CACNA2D3: variants seen among roughly 807,000 people sequenced by gnomAD.
The protein encoded by CACNA2D3 is calcium voltage-gated channel auxiliary subunit alpha2delta 3.
Under a neutral mutation model 160.6 loss-of-function variants are expected in CACNA2D3, and 60 were observed. That is an observed-to-expected ratio of 0.37 (90% CI 0.30 to 0.46). The LOEUF (loss-of-function observed/expected upper bound fraction) is 0.46. Among genes scored for constraint, CACNA2D3 ranks in the 20% least tolerant of loss-of-function variants. The pLI, the probability that CACNA2D3 is intolerant of heterozygous loss-of-function variation, is 1.00. For missense variants in CACNA2D3, 1,205 were observed against 1,365.0 expected (o/e 0.88, Z 1.85); for synonymous variants, 558 against 492.9 (o/e 1.13, Z -1.75).
intron 2 of CACNA2D3, among the ~76,000 whole-genome samples, chr3:54,180,708 A>G (rs1252173569): frequency 3.9e-5 from 6 of 152,142 alleles, no homozygotes; most frequent in African/African-American, 1.4e-4. Context: ...TGAGTCTTCT[A>G]AGCACCATAC....
At chr3:54,463,271 G>A (rs1486188865) in intron 4 of CACNA2D3, among the ~76,000 whole-genome samples, 5 of 151,954 alleles carry the variant, frequency 3.3e-5, no homozygotes, top group African/African-American at 1.2e-4. Flanking sequence ...TGCTCTTCTC[G>A]AGGAGTATCT....
At chr3:54,318,961 C>T (rs1470351341) in intron 2 of CACNA2D3, among the ~76,000 whole-genome samples, 1 of 152,066 alleles carries the variant, frequency 6.6e-6, no homozygotes, top group Non-Finnish European at 1.5e-5. Flanking sequence ...TGGCCAGATG[C>T]CTCCAGCCTC....
intron 11 of CACNA2D3, among the ~76,000 whole-genome samples, chr3:54,705,894 T>C (rs1374916132): frequency 1.5e-5 from 1 of 65,824 alleles, no homozygotes; most frequent in Admixed American, 2.0e-4. Context: ...TGATACTGAC[T>C]CTCATGCCTC....
At chr3:54,423,819 G>A (rs1361229734) in intron 4 of CACNA2D3, among the ~76,000 whole-genome samples, 2 of 152,094 alleles carry the variant, frequency 1.3e-5, no homozygotes, top group Non-Finnish European at 2.9e-5. Flanking sequence ...TGACATGCCC[G>A]GGAGCACAGG....
chr3:54,705,348 T>A (rs945944865), intron 11 of CACNA2D3, among the ~76,000 whole-genome samples: 1 of 152,198 alleles, frequency 6.6e-6, no homozygotes, highest in Non-Finnish European at 1.5e-5. Flanking sequence ...TGAACTAGAA[T>A]TATAAGGTAA....
rs886205254 is a variant in CACNA2D3 at position 54,181,039 on chromosome 3, C to T, written c.204+57445C>T. Among the ~76,000 whole-genome samples, 4 of 152,158 alleles carry T rather than the reference C, an allele frequency of 2.6e-5. No homozygotes were observed. In the South Asian group the frequency reaches 8.3e-4, roughly 32 times the overall value. On this transcript the variant is annotated intron_variant, in intron 2 of 37. Transcript: ENST00000474759. ...GGTTCCTGCCCCCCACCATATATAA[C>T]AGGAGGCTTCCCTCTTCTCTGTGAC...
intron 26 of CACNA2D3, among the ~76,000 whole-genome samples, chr3:54,899,301 A>G (rs77378286): frequency 0.099 from 15,088 of 152,264 alleles, 840 homozygotes; most frequent in Non-Finnish European, 0.12. Context: ...AATTTTGCCC[A>G]GAAAAACTGG....
chr3:54,826,625 T>G (rs1703755470), intron 14 of CACNA2D3, among the ~76,000 whole-genome samples: 1 of 152,186 alleles, frequency 6.6e-6, no homozygotes, highest in Non-Finnish European at 1.5e-5. Flanking sequence ...TGGGTACTTC[T>G]GAAGCATCTG....
At chr3:54,150,735 T>A (rs1472691666) in intron 2 of CACNA2D3, among the ~76,000 whole-genome samples, 1 of 152,160 alleles carries the variant, frequency 6.6e-6, no homozygotes, top group Non-Finnish European at 1.5e-5. Context: ...ATAAACAAAA[T>A]GATAATTATA....
intron 11 of CACNA2D3, among the ~76,000 whole-genome samples, chr3:54,734,228 T>C (rs1701451322): frequency 6.6e-6 from 1 of 152,206 alleles, no homozygotes; most frequent in South Asian, 2.1e-4. Context: ...AACTGTTGCA[T>C]GCTGAGGACA....
At chr3:54,909,294 T>C (rs1700509494) in intron 27 of CACNA2D3, among the ~76,000 whole-genome samples, 2 of 152,198 alleles carry the variant, frequency 1.3e-5, no homozygotes, top group South Asian at 4.1e-4. Flanking sequence ...TCACATGCTT[T>C]GGTGGAAAAC....
chr3:55,037,581 A>G (rs1417591622), intron 35 of CACNA2D3, among the ~76,000 whole-genome samples: 3 of 152,208 alleles, frequency 2.0e-5, no homozygotes, highest in Admixed American at 6.5e-5. Flanking sequence ...ATCGCCATCA[A>G]TTTAGAGAGG....
At chr3:55,051,119 C>G (rs981933248) in intron 35 of CACNA2D3, among the ~76,000 whole-genome samples, 25 of 152,094 alleles carry the variant, frequency 1.6e-4, no homozygotes, top group African/African-American at 5.8e-4. Flanking sequence ...AAGTCATTCT[C>G]CATCCAGCTT....
intron 17 of CACNA2D3, among the ~76,000 whole-genome samples, chr3:54,858,969 A>G (rs1327083888): frequency 6.6e-6 from 1 of 152,244 alleles, no homozygotes; most frequent in East Asian, 1.9e-4. Context: ...TATATATTTA[A>G]AAGATAATTA....
intron 4 of CACNA2D3, among the ~76,000 whole-genome samples, chr3:54,470,629 C>G (rs746399598): frequency 6.6e-6 from 1 of 152,126 alleles, no homozygotes; most frequent in Non-Finnish European, 1.5e-5. Context: ...AATTAAAAGA[C>G]ACAGACTGGC....
At chr3:54,925,814 G>A (rs1377488409) in intron 27 of CACNA2D3, among the ~76,000 whole-genome samples, 4 of 152,140 alleles carry the variant, frequency 2.6e-5, no homozygotes, top group Admixed American at 1.3e-4. Context: ...GCCACATGTG[G>A]CTAATGGTTA....
chr3:54,729,626 T>C lies in CACNA2D3; in HGVS notation c.1168-22973T>C, dbSNP rs150132417. ...GAGTGTTATCAATAAGAGTATTGCT[T>C]TTGTCTCTGTTCGGTGGGTCTTCCC... On this transcript the variant is annotated intron_variant, in intron 11 of 37. Transcript: ENST00000474759. Among the ~76,000 whole-genome samples the C allele has an allele frequency of 4.1e-3, 619 of 152,252 alleles. 6 individuals carry two copies. Among genetic ancestry groups the C allele is most frequent in the African/African-American group, 0.014 (590 of 41,542 alleles).
At chr3:55,052,204 A>C (rs928295585) in intron 35 of CACNA2D3, among the ~76,000 whole-genome samples, 57 of 152,226 alleles carry the variant, frequency 3.7e-4, no homozygotes, top group African/African-American at 1.3e-3. Flanking sequence ...GGTTATTTAA[A>C]GCTGTATCGT....
At chr3:54,589,672 T>C (rs1702824806) in intron 9 of CACNA2D3, among the ~76,000 whole-genome samples, 1 of 152,222 alleles carries the variant, frequency 6.6e-6, no homozygotes, top group African/African-American at 2.4e-5. Flanking sequence ...TCCACAAATA[T>C]ATAGAGAATA....
Sources: gnomAD v4.1 joint callset for allele counts (sites outside exome capture counted in the v4.1 genomes callset) on GRCh38, gnomAD v4.1.1 for gene constraint, MANE v1.5 for transcripts, NCBI Gene and HGNC (gene_info 2026-07-23, HGNC 2026-07-21) for gene names.